Variants in RUBCN observed in about 807,000 individuals in gnomAD.
RUBCN encodes the protein rubicon autophagy regulator.
In RUBCN, 74 loss-of-function variants were observed where a neutral mutation model predicts 113.2. The ratio of observed to expected loss-of-function variants is 0.65; its 90% confidence interval spans 0.54 to 0.79. The LOEUF is 0.79. Ranked by LOEUF, RUBCN falls within the 30% of genes least tolerant of loss-of-function variation. RUBCN has a pLI of 0.00. For missense variants in RUBCN, 1,109 were observed against 1,251.7 expected (o/e 0.89, Z 1.72); for synonymous variants, 480 against 490.0 (o/e 0.98, Z 0.27).
At chr3:197,710,055 A>G (rs980975595) in intron 2 of RUBCN, among the ~76,000 whole-genome samples, 1 of 151,950 alleles carries the variant, frequency 6.6e-6, no homozygotes, top group African/African-American at 2.4e-5. Context: ...CTGTAATCCC[A>G]GCTCCTCGAG....
At position 197,700,133 on chromosome 3, in the gene RUBCN, G is replaced by A. The variant is rs1224251141; in HGVS notation, c.1261+480C>T. Reference sequence around the variant, plus strand: ...CAGTGATGCGGCCGTCAGCCCCACCGACTCAGTTGCTGGATCGCATCACCC... The same window carrying A: ...CAGTGATGCGGCCGTCAGCCCCACCAACTCAGTTGCTGGATCGCATCACCC... On this transcript the variant is annotated intron_variant, in intron 7 of 19. Coordinates refer to ENST00000296343, the MANE Select transcript of RUBCN (RefSeq NM_014687.4). 2.6e-5 allele frequency among the ~76,000 whole-genome samples: 4 copies of A among 152,136 alleles called. No individual in the cohort carries two copies. In the South Asian group the frequency reaches 6.2e-4, roughly 24 times the overall value.
chr3:197,745,907 T>A (rs1019898653), intron 1 of RUBCN, among the ~76,000 whole-genome samples: 2 of 152,068 alleles, frequency 1.3e-5, no homozygotes, highest in Non-Finnish European at 2.9e-5. Flanking sequence ...CGTGGTGCCA[T>A]GCACCTGTAA....
At chr3:197,713,736 T>A (rs79227924) in intron 2 of RUBCN, among the ~76,000 whole-genome samples, 14,777 of 151,128 alleles carry the variant, frequency 0.098, 826 homozygotes, top group Middle Eastern at 0.15. Flanking sequence ...TTCAGGAAAA[T>A]ACACAGAGTA....
In RUBCN at chr3:197,697,060, T is replaced by A. The variant is rs779548735; in HGVS notation, c.1262-11A>T. On this transcript the variant is annotated splice_polypyrimidine_tract_variant and intron_variant, in intron 7 of 19. Coordinates refer to ENST00000296343, the MANE Select transcript of RUBCN (RefSeq NM_014687.4). The stretch of plus-strand genomic sequence containing the variant: ...TATCATTGCAGGATTCTAATGACGA[T>A]GACCACCAGCGAGTAAAAACACATA... 11 of 1,418,296 alleles carry A rather than the reference T, an allele frequency of 7.8e-6. No individual in the cohort carries two copies. The highest frequency in any genetic ancestry group is 1.0e-5 in the Non-Finnish European group (10 of 1,001,824). 87.9% of individuals were successfully genotyped at this position (1,418,296 alleles called of 1,614,324 possible).
upstream of RUBCN, among the ~76,000 whole-genome samples, chr3:197,741,344 T>G (rs1223707872): frequency 6.6e-6 from 1 of 152,196 alleles, no homozygotes; most frequent in East Asian, 1.9e-4. Flanking sequence ...TTCACTGACT[T>G]TACCAAATTT....
chr3:197,695,901 C>T lies in RUBCN; in HGVS notation c.1438G>A (p.Glu480Lys). The T allele has an allele frequency of 6.2e-7, 1 of 1,614,174 alleles. No individual in the cohort carries two copies. The highest frequency in any genetic ancestry group is 8.5e-7 in the Non-Finnish European group (1 of 1,180,024). ...TCGGCACAGCTGCCGAAGTCTTGCT[C>T]AGAGAGGTAGCTGATGAGGGACTGT... is the stretch of plus-strand genomic sequence containing the variant. ...EGQSLISYLS[E>K]QDFGSCADLE... Residue 480 changes from glutamate (E) to lysine (K), a missense_variant, in exon 9 of 20, where the codon GAG becomes AAG. Glu to Lys is a moderately conservative substitution (Grantham distance 56). Coordinates refer to ENST00000296343, the MANE Select transcript of RUBCN (RefSeq NM_014687.4).
chr3:197,697,784 A>T, intron 7 of RUBCN, among the ~76,000 whole-genome samples: 1 of 152,264 alleles, frequency 6.6e-6, no homozygotes, highest in East Asian at 1.9e-4. Context: ...CAGGTGGAAA[A>T]GCAGGTGGGT....
At position 197,701,665 on chromosome 3, in the gene RUBCN, G is replaced by A. The variant is rs371289703; in HGVS notation, c.727+43C>T. On this transcript the variant is annotated intron_variant, in intron 6 of 19. Coordinates refer to ENST00000296343, the MANE Select transcript of RUBCN (RefSeq NM_014687.4). ...ACCACAAAGTCTTCTTACTTTCCAG[G>A]GCTGGGGATAAATGTAATGACCACT... 3.5e-5 allele frequency: 55 copies of A among 1,590,228 alleles called. No individual in the cohort carries two copies. In the African/African-American group the frequency reaches 4.7e-4, roughly 14 times the overall value.
intron 1 of RUBCN, 79 bp from the exon 2 acceptor site, chr3:197,718,209 C>A: frequency 1.3e-6 from 2 of 1,524,482 alleles, no homozygotes; most frequent in Non-Finnish European, 1.8e-6. Context: ...AAGTCTAAGC[C>A]GAGGAGCCTC....
chr3:197,708,273 T>C (rs929047020), intron 2 of RUBCN, among the ~76,000 whole-genome samples: 40 of 152,028 alleles, frequency 2.6e-4, no homozygotes, highest in African/African-American at 9.4e-4. Context: ...GTCGCGGGGA[T>C]TACAGGTGTC....
chr3:197,727,280 C>T (rs939041697), intron 1 of RUBCN, among the ~76,000 whole-genome samples: 1 of 152,200 alleles, frequency 6.6e-6, no homozygotes, highest in Non-Finnish European at 1.5e-5. Flanking sequence ...ACTCTTGAAG[C>T]TTCAATTCCC....
At position 197,674,761 on chromosome 3, in the gene RUBCN, A is replaced by G. The variant is rs1025405967; in HGVS notation, c.*257T>C. On this transcript the variant is annotated 3_prime_UTR_variant, in exon 20 of 20. Coordinates refer to ENST00000296343, the MANE Select transcript of RUBCN (RefSeq NM_014687.4). ...GACAGAGGCACTAGAAGCTTCACTG[A>G]AGGACCCGCATGTCAGTTCTGATGG... 2.0e-6 allele frequency: 1 copy of G among 512,136 alleles called. No homozygotes were observed. Among genetic ancestry groups the G allele is most frequent in the African/African-American group, 2.0e-5 (1 of 50,526 alleles). 31.7% of individuals were successfully genotyped at this position (512,136 alleles called of 1,614,324 possible). A position where few individuals can be genotyped will look rare whatever the true frequency, so the allele number is the denominator to read the frequency against.
At chr3:197,715,300 A>AG (rs1056124049) in intron 2 of RUBCN, among the ~76,000 whole-genome samples, 6 of 151,620 alleles carry the variant, frequency 4.0e-5, no homozygotes, top group East Asian at 1.9e-4. Flanking sequence ...GAAAAAAAAA[A>AG]AAAAAGAAAA....
chr3:197,740,994 T>C (rs1728504635), upstream of RUBCN, among the ~76,000 whole-genome samples: 3 of 152,268 alleles, frequency 2.0e-5, no homozygotes, highest in South Asian at 6.2e-4. Flanking sequence ...CTAATACCTC[T>C]ATACAGAGAG....
At chr3:197,699,410 C>G (rs1200840441) in intron 7 of RUBCN, among the ~76,000 whole-genome samples, 2 of 152,366 alleles carry the variant, frequency 1.3e-5, no homozygotes, top group Non-Finnish European at 2.9e-5. Context: ...CATATTTCCT[C>G]AGATCCTTCC....
intron 2 of RUBCN, among the ~76,000 whole-genome samples, chr3:197,710,169 C>CA (rs201067302): frequency 0.046 from 5,485 of 119,506 alleles, 142 homozygotes; most frequent in East Asian, 0.14. Flanking sequence ...GACTCTGTCT[C>CA]AAAAAAAAAA....
intron 2 of RUBCN, among the ~76,000 whole-genome samples, chr3:197,709,877 C>T (rs1724758680): frequency 6.6e-6 from 1 of 152,040 alleles, no homozygotes; most frequent in Non-Finnish European, 1.5e-5. Flanking sequence ...CTCTTAATAA[C>T]TGCAGAGTAG....
chr3:197,725,520 C>CGTTTTT (rs1726637509), intron 1 of RUBCN, among the ~76,000 whole-genome samples: 1 of 75,318 alleles, frequency 1.3e-5, no homozygotes, highest in Non-Finnish European at 2.4e-5. Context: ...ACAGGAGAAT[C>CGTTTTT]TTTTTTTTTT....
intron 1 of RUBCN, among the ~76,000 whole-genome samples, chr3:197,745,665 G>GT (rs1384272760): frequency 6.6e-6 from 1 of 151,694 alleles, no homozygotes; most frequent in Admixed American, 6.6e-5. Context: ...GGTGAAGTGT[G>GT]TAAGAGTTTA....
Sources: allele counts gnomAD v4.1 joint callset (sites outside exome capture counted in the v4.1 genomes callset), GRCh38; gene constraint gnomAD v4.1.1; transcripts MANE v1.5; gene names NCBI Gene and HGNC (gene_info 2026-07-23, HGNC 2026-07-21).